TEX10: variants seen among roughly 807,000 people sequenced by gnomAD.
The protein encoded by TEX10 is testis-expressed protein 10.
TEX10 carries 24 observed loss-of-function variants against 104.4 expected under a neutral mutation model. That is an observed-to-expected ratio of 0.23 (90% confidence interval 0.17 to 0.32). TEX10 has a LOEUF of 0.32. TEX10 is among the 10% of genes least tolerant of loss of function. TEX10 has a pLI of 1.00. For missense variants in TEX10, 921 were observed against 1,083.9 expected, an observed-to-expected ratio of 0.85 and a Z score of 2.11; for synonymous variants, 396 against 393.4, an observed-to-expected ratio of 1.01 and a Z score of -0.08.
At chr9:100,326,256 G>A in intron 9 of TEX10, 46 bp downstream of exon 9, 1 of 1,570,444 alleles carries the variant, frequency 6.4e-7, no homozygotes, top group East Asian at 2.3e-5. Context: ...CAGTAAAAGG[G>A]GAAAAAGATT....
At chr9:100,312,343 A>G (rs1195546240) in intron 11 of TEX10, among the ~76,000 whole-genome samples, 4 of 152,182 alleles carry the variant, frequency 2.6e-5, no homozygotes, top group Non-Finnish European at 5.9e-5. Flanking sequence ...CCAGAGCCCA[A>G]ATGGAGTGAG....
intron 10 of TEX10, 134 bp downstream of exon 10, chr9:100,321,549 C>T (rs1834573268): frequency 2.9e-6 from 2 of 682,308 alleles, no homozygotes; most frequent in Middle Eastern, 4.1e-4. Context: ...TTACTAATCA[C>T]AAAAATCACT....
intron 11 of TEX10, among the ~76,000 whole-genome samples, chr9:100,313,530 AAAAG>A (rs1017243723): frequency 1.3e-5 from 2 of 151,466 alleles, no homozygotes; most frequent in African/African-American, 2.4e-5. Context: ...AAAAAAAAGA[AAAAG>A]AAAAAGAAAA....
At chr9:100,315,685 G>GT (rs1834398569) in intron 11 of TEX10, among the ~76,000 whole-genome samples, 1 of 152,020 alleles carries the variant, frequency 6.6e-6, no homozygotes. Context: ...GGCTTTCAGG[G>GT]TTTTTTTGTT....
At chr9:100,313,900 C>CGTGTCCCT (rs1418413194) in intron 11 of TEX10, among the ~76,000 whole-genome samples, 2 of 151,234 alleles carry the variant, frequency 1.3e-5, no homozygotes, top group East Asian at 3.9e-4. Context: ...CTTTTCTCAG[C>CGTGTCCCT]GTGTCCCTGT....
At chr9:100,330,315 A>C in intron 5 of TEX10, 146 bp from the exon 6 acceptor site, 2 of 674,028 alleles carry the variant, frequency 3.0e-6, no homozygotes, top group Non-Finnish European at 5.2e-6. Context: ...CATAGGCAAG[A>C]CTTAGGCCAC....
At chr9:100,305,689 T>C (rs1834126588) in intron 13 of TEX10, 1 of 152,152 alleles carries the variant, frequency 6.6e-6, no homozygotes, top group African/African-American at 2.4e-5. Flanking sequence ...ATGAAATTCA[T>C]ATAAAGATAT....
Position 100,302,176 on chromosome 9 carries a change from G to T in TEX10, c.*15C>A. ...TGTGAATAAACAACTTCAAACAGGA[G>T]GTACTATGGCCTCTTCAATACACTG... On this transcript the variant is annotated 3_prime_UTR_variant, in exon 15 of 15. Coordinates refer to ENST00000374902, the MANE Select transcript of TEX10 (RefSeq NM_017746.4). 1 of 1,443,162 alleles carries T rather than the reference G, an allele frequency of 6.9e-7. No individual in the cohort carries two copies. Among genetic ancestry groups the T allele is most frequent in the Non-Finnish European group, 9.5e-7 (1 of 1,056,494 alleles). The allele number at this position is 1,443,162 out of a possible 1,614,324, so 89.4% of individuals were successfully genotyped here. A position where few individuals can be genotyped will look rare whatever the true frequency, so the allele number is the denominator to read the frequency against.
In TEX10 at chr9:100,308,675, A is replaced by G; in HGVS notation, c.2290T>C (p.Leu764=). The G allele has an allele frequency of 6.2e-7, 1 of 1,600,616 alleles. No individual in the cohort carries two copies. The highest frequency in any genetic ancestry group is 8.5e-7 in the Non-Finnish European group (1 of 1,174,524). The change falls in exon 13 of 15, where the codon TTG becomes CTG. Residue 764 remains leucine (L), a synonymous_variant. Coordinates refer to ENST00000374902, the MANE Select transcript of TEX10 (RefSeq NM_017746.4). ...GCCGTGCTGTCAGGAATTACAGTCA[A>G]CCCAACCTAAGCAGAGAAAAACGAG... ...QSAISKHLVG[L]TVIPDSTAGC...
rs1834982163 is a variant in TEX10 at position 100,335,420 on chromosome 9, C to G, written c.1250+4837G>C. ...GTTTCACCGTGTTAGCCAGGATGGT[C>G]TAGGTCTCCTGACCTCATGGTCCGC... On this transcript the variant is annotated intron_variant, in intron 5 of 14. Transcript: ENST00000374902. Among the ~76,000 whole-genome samples the G allele has an allele frequency of 2.0e-5, 3 of 152,134 alleles. No individual in the cohort carries two copies. In the South Asian group the frequency reaches 6.2e-4, roughly 32 times the overall value.
intron 1 of TEX10, 70 bp downstream of exon 1, chr9:100,352,702 G>A (rs1183867309): frequency 3.8e-5 from 50 of 1,307,840 alleles, no homozygotes; most frequent in Non-Finnish European, 4.8e-5. Flanking sequence ...GCGGATCGGG[G>A]GGCGACGGCC....
Position 100,352,762 on chromosome 9 carries a change from G to A in TEX10, c.-10+10C>T, listed in dbSNP as rs1835494813. ...GGGAGGACCCGGCCCGACGGGCGACGGCCGCTTACCTGAGGACCCGGCCGC... is the reference window on the plus strand; with the variant it reads ...GGGAGGACCCGGCCCGACGGGCGACAGCCGCTTACCTGAGGACCCGGCCGC... On this transcript the variant is annotated intron_variant, in intron 1 of 14. Coordinates refer to ENST00000374902, the MANE Select transcript of TEX10 (RefSeq NM_017746.4). 2 of 1,144,792 alleles carry A rather than the reference G, an allele frequency of 1.7e-6. No homozygotes were observed. Among genetic ancestry groups the A allele is most frequent in the Non-Finnish European group, 1.1e-6 (1 of 933,800 alleles). 70.9% of individuals were successfully genotyped at this position (1,144,792 alleles called of 1,614,324 possible). A position where few individuals can be genotyped will look rare whatever the true frequency, so the allele number is the denominator to read the frequency against.
intron 14 of TEX10, 96 bp downstream of exon 14, chr9:100,303,536 T>A: frequency 7.7e-7 from 1 of 1,298,256 alleles, no homozygotes; most frequent in Non-Finnish European, 1.1e-6. Context: ...ATGTATGGGA[T>A]CCCTTTCCTC....
intron 4 of TEX10, among the ~76,000 whole-genome samples, chr9:100,344,349 G>A (rs1835248590): frequency 6.6e-6 from 1 of 152,146 alleles, no homozygotes; most frequent in Non-Finnish European, 1.5e-5. Flanking sequence ...AACTAAAGCA[G>A]TATTTAGATC....
chr9:100,307,618 A>G (rs1047132935), intron 13 of TEX10: 1 of 147,630 alleles, frequency 6.8e-6, no homozygotes, highest in African/African-American at 2.5e-5. Flanking sequence ...ACATAAAACC[A>G]TTTTTTTTTT....
rs576896201 is a variant in TEX10, at chr9:100,341,884, C to T, written c.1138-1515G>A. 7.2e-5 allele frequency among the ~76,000 whole-genome samples: 11 copies of T among 152,288 alleles called. No homozygotes were observed. In the South Asian group the frequency reaches 2.3e-3, roughly 32 times the overall value. The stretch of plus-strand genomic sequence containing the variant: ...GTGTTCTATTTTTATAAATTCAGCA[C>T]ATTAAAGTTAAATAAATATAATGCA... On this transcript the variant is annotated intron_variant, in intron 4 of 14. Coordinates refer to ENST00000374902, the MANE Select transcript of TEX10 (RefSeq NM_017746.4).
At chr9:100,321,376 ATAG>A (rs1280278165) in intron 10 of TEX10, among the ~76,000 whole-genome samples, 4 of 152,198 alleles carry the variant, frequency 2.6e-5, no homozygotes, top group African/African-American at 4.8e-5. Flanking sequence ...ATTTAAAATA[ATAG>A]TAGTAGTACA....
At position 100,349,273 on chromosome 9, in the gene TEX10, T is replaced by C. The variant is rs370114997; in HGVS notation, c.91A>G (p.Thr31Ala). The C allele has an allele frequency of 2.7e-5, 44 of 1,608,488 alleles. No individual in the cohort carries two copies. In the African/African-American group the frequency reaches 3.7e-4, roughly 14 times the overall value. The change falls in exon 2 of 15, where the codon ACA becomes GCA. Residue 31 changes from threonine (T) to alanine (A), a missense_variant. Physicochemically the swap from Thr to Ala is moderately conservative, Grantham distance 58. Coordinates refer to ENST00000374902, the MANE Select transcript of TEX10 (RefSeq NM_017746.4). ...KKPKLQNATP[T>A]NFKTKTIHLP... ...TGTATAGTCTTTGTTTTAAAGTTTG[T>C]AGGAGTAGCATTTTGTAACTTGGGC...
chr9:100,303,868 T>C, intron 13 of TEX10, 26 bp from the exon 14 acceptor site: 3 of 1,609,910 alleles, frequency 1.9e-6, no homozygotes, highest in Non-Finnish European at 2.5e-6. Context: ...CAGAAATGAG[T>C]CAGTGAGCAA....
Sources: gnomAD v4.1 joint callset for allele counts (sites outside exome capture counted in the v4.1 genomes callset) on GRCh38, gnomAD v4.1.1 for gene constraint, MANE v1.5 for transcripts, NCBI Gene and HGNC (gene_info 2026-07-23, HGNC 2026-07-21) for gene names.